C1orf141: variants seen among roughly 807,000 people sequenced by gnomAD.
The protein encoded by C1orf141 is uncharacterized protein C1orf141.
A neutral mutation model predicts 23.2 loss-of-function variants in C1orf141; 19 were observed. The observed-to-expected ratio is 0.82, with a 90% CI of 0.57 to 1.20. The LOEUF is 1.20. Ranked by LOEUF, C1orf141 falls within the 50% of genes most tolerant of loss-of-function variation. C1orf141 has a pLI of 0.00. For synonymous variants in C1orf141, 153 were observed against 154.6 expected (o/e 0.99, Z 0.08); for missense variants, 469 against 455.1 (o/e 1.03, Z -0.28).
chr1:67,111,887 T>C (rs1448816488), intron 5 of C1orf141, among the ~76,000 whole-genome samples: 2 of 152,226 alleles, frequency 1.3e-5, no homozygotes, highest in Non-Finnish European at 2.9e-5. Flanking sequence ...AGCTATATTG[T>C]CTTGGAAAAT....
At chr1:67,124,455 G>A (rs7535494) in intron 4 of C1orf141, among the ~76,000 whole-genome samples, 111,608 of 151,978 alleles carry the variant, frequency 0.73, 41,490 homozygotes, top group East Asian at 0.91. Flanking sequence ...TGGGACTACA[G>A]GCATGCACCA....
chr1:67,133,042 G>A (rs1646543002), intron 1 of C1orf141, among the ~76,000 whole-genome samples: 1 of 152,112 alleles, frequency 6.6e-6, no homozygotes, highest in South Asian at 2.1e-4. Flanking sequence ...AATATTATTA[G>A]CATATCAGAG....
chr1:67,135,383 CT>C (rs143577520), upstream of C1orf141, among the ~76,000 whole-genome samples: 5,695 of 152,246 alleles, frequency 0.037, 103 homozygotes, highest in East Asian at 0.074. Flanking sequence ...GCTTTCATGG[CT>C]TATGATATTA....
At chr1:67,105,519 A>C (rs908308950) in intron 5 of C1orf141, among the ~76,000 whole-genome samples, 1 of 152,066 alleles carries the variant, frequency 6.6e-6, no homozygotes, top group African/African-American at 2.4e-5. Context: ...TAATAAAAAT[A>C]GTAAAGACTG....
At chr1:67,118,811 A>G (rs1646246952) in intron 4 of C1orf141, among the ~76,000 whole-genome samples, 1 of 152,172 alleles carries the variant, frequency 6.6e-6, no homozygotes, top group Non-Finnish European at 1.5e-5. Context: ...GTGAAGATAC[A>G]AAGAAACAGC....
chr1:67,117,094 C>CA lies in C1orf141; in HGVS notation c.234-1631dup, dbSNP rs61260986. Among the ~76,000 whole-genome samples the CA allele has an allele frequency of 7.1e-3, 1,082 of 152,284 alleles. 5 individuals carry two copies. The highest frequency in any genetic ancestry group is 0.017 in the Middle Eastern group (5 of 294). On this transcript the variant is annotated intron_variant, in intron 4 of 7. Coordinates refer to ENST00000684719, the MANE Select transcript of C1orf141 (RefSeq NM_001276351.2). ...CACTGTGGTATTTTAGCACCTATAG[C>CA]ATGACTGGTACATAGTACATGTTTA... is the stretch of plus-strand genomic sequence containing the variant.
chr1:67,112,507 G>T (rs1317448485), intron 5 of C1orf141, among the ~76,000 whole-genome samples: 3 of 152,108 alleles, frequency 2.0e-5, no homozygotes, highest in Non-Finnish European at 4.4e-5. Context: ...TTTGAGACTA[G>T]CCTGGGCAAC....
chr1:67,108,690 T>C (rs564197206), intron 5 of C1orf141, among the ~76,000 whole-genome samples: 1 of 152,216 alleles, frequency 6.6e-6, no homozygotes, highest in South Asian at 2.1e-4. Flanking sequence ...ATCGTGCCAC[T>C]GCACTCCAGC....
upstream of C1orf141, among the ~76,000 whole-genome samples, chr1:67,136,654 T>A (rs1646587957): frequency 6.6e-6 from 1 of 152,240 alleles, no homozygotes; most frequent in African/African-American, 2.4e-5. Context: ...AGGCTACAAC[T>A]TTAAAATAGT....
intron 5 of C1orf141, among the ~76,000 whole-genome samples, chr1:67,101,299 T>C (rs1405326823): frequency 6.6e-6 from 1 of 152,202 alleles, no homozygotes; most frequent in Non-Finnish European, 1.5e-5. Context: ...TGACAAGTTA[T>C]GATCGTTACA....
chr1:67,107,138 T>C (rs1486370037), intron 5 of C1orf141, among the ~76,000 whole-genome samples: 1 of 152,198 alleles, frequency 6.6e-6, no homozygotes, highest in Non-Finnish European at 1.5e-5. Context: ...TCTACATCTT[T>C]ATGTGAAGTA....
chr1:67,132,396 G>A (rs1353375118), intron 1 of C1orf141, among the ~76,000 whole-genome samples: 4 of 152,102 alleles, frequency 2.6e-5, no homozygotes, highest in Admixed American at 6.6e-5. Flanking sequence ...GGTGGCGCAC[G>A]CCTGTAATCC....
rs189544923 is a variant in C1orf141 at position 67,101,301 on chromosome 1, A to T, written c.347-4980T>A. 5.9e-5 allele frequency among the ~76,000 whole-genome samples: 9 copies of T among 152,288 alleles called. No individual in the cohort carries two copies. In the East Asian group the frequency reaches 1.7e-3, roughly 29 times the overall value. Reference sequence around the variant, plus strand: ...CAGAGAAAAAAAGTGACAAGTTATGATCGTTACATTTCTCTCCAAATATTG... The same window carrying T: ...CAGAGAAAAAAAGTGACAAGTTATGTTCGTTACATTTCTCTCCAAATATTG... On this transcript the variant is annotated intron_variant, in intron 5 of 7. Coordinates refer to ENST00000684719, the MANE Select transcript of C1orf141 (RefSeq NM_001276351.2).
At chr1:67,099,570 A>G (rs1645754690) in intron 5 of C1orf141, among the ~76,000 whole-genome samples, 1 of 152,224 alleles carries the variant, frequency 6.6e-6, no homozygotes, top group Non-Finnish European at 1.5e-5. Flanking sequence ...ACCTGAGGAC[A>G]GGAGTTTGAG....
At chr1:67,135,906 C>CA (rs59519661), upstream of C1orf141, among the ~76,000 whole-genome samples, 1,946 of 62,554 alleles carry the variant, frequency 0.031, 204 homozygotes, top group East Asian at 0.072. Context: ...GGCAAAACTG[C>CA]AAAAAAAAAA....
At chr1:67,112,781 G>A (rs917043882) in intron 5 of C1orf141, among the ~76,000 whole-genome samples, 1 of 152,178 alleles carries the variant, frequency 6.6e-6, no homozygotes. Flanking sequence ...ACACACTTTG[G>A]TGAGGGAGAA....
chr1:67,126,717 G>A (rs1041366115), intron 3 of C1orf141, among the ~76,000 whole-genome samples: 1 of 152,200 alleles, frequency 6.6e-6, no homozygotes, highest in African/African-American at 2.4e-5. Context: ...TGGTTTCAGG[G>A]CTGAGGTGCA....
intron 2 of C1orf141, 58 bp from the exon 3 acceptor site, chr1:67,127,315 G>GTTTTAT: frequency 2.1e-6 from 2 of 965,878 alleles, no homozygotes; most frequent in Non-Finnish European, 3.2e-6. Flanking sequence ...CATAAAACTA[G>GTTTTAT]GCATAAGTTT....
At chr1:67,129,842 T>C (rs1488303656) in intron 2 of C1orf141, among the ~76,000 whole-genome samples, 1 of 152,198 alleles carries the variant, frequency 6.6e-6, no homozygotes, top group African/African-American at 2.4e-5. Flanking sequence ...ACCTCACTAG[T>C]GCCAATTTGT....
Sources: gnomAD v4.1 joint callset for allele counts (sites outside exome capture counted in the v4.1 genomes callset) on GRCh38, gnomAD v4.1.1 for gene constraint, MANE v1.5 for transcripts, NCBI Gene and HGNC (gene_info 2026-07-23, HGNC 2026-07-21) for gene names.